Variants in AUTS2 observed in about 807,000 individuals in gnomAD.
AUTS2 encodes activator of transcription and developmental regulator AUTS2.
In AUTS2, 17 loss-of-function variants were observed where a neutral mutation model predicts 112.4. That is an observed-to-expected ratio of 0.15 (90% CI 0.10 to 0.23). AUTS2 has a LOEUF of 0.23. AUTS2 is among the 10% of genes least tolerant of loss of function. AUTS2 has a pLI of 1.00. For missense variants in AUTS2, 1,510 were observed against 1,701.6 expected (o/e 0.89, Z 1.98); for synonymous variants, 751 against 702.7 (o/e 1.07, Z -1.09).
intron 14 of AUTS2, among the ~76,000 whole-genome samples, chr7:70,780,994 A>C (rs899900496): frequency 6.6e-6 from 1 of 152,136 alleles, no homozygotes; most frequent in African/African-American, 2.4e-5. Context: ...ACAGCAAAAC[A>C]CTGAACTACT....
intron 5 of AUTS2, among the ~76,000 whole-genome samples, chr7:70,441,127 TAC>T (rs1435794777): frequency 6.6e-6 from 1 of 152,216 alleles, no homozygotes; most frequent in Non-Finnish European, 1.5e-5. Flanking sequence ...ATACATGCAG[TAC>T]ACACATACAC....
At chr7:69,814,541 C>T (rs901473461) in intron 1 of AUTS2, among the ~76,000 whole-genome samples, 2 of 152,222 alleles carry the variant, frequency 1.3e-5, no homozygotes, top group Non-Finnish European at 2.9e-5. Flanking sequence ...GCCACCCGGG[C>T]GAGGGCCTCT....
At chr7:69,691,548 C>T (rs930736635) in intron 1 of AUTS2, among the ~76,000 whole-genome samples, 2 of 152,098 alleles carry the variant, frequency 1.3e-5, no homozygotes, top group Non-Finnish European at 2.9e-5. Context: ...CGGCAGTGCC[C>T]AGTCTCAGCC....
chr7:70,345,314 G>A (rs1224265981), intron 4 of AUTS2, among the ~76,000 whole-genome samples: 1 of 152,146 alleles, frequency 6.6e-6, no homozygotes, highest in Middle Eastern at 3.2e-3. Flanking sequence ...CTATGACAGA[G>A]TGCTTACTGC....
intron 5 of AUTS2, among the ~76,000 whole-genome samples, chr7:70,650,992 C>G (rs929880279): frequency 6.6e-6 from 1 of 152,002 alleles, no homozygotes; most frequent in African/African-American, 2.4e-5. Context: ...GGAGGAAGTC[C>G]GAATGGGATG....
chr7:70,460,073 C>G (rs185718961), intron 5 of AUTS2, among the ~76,000 whole-genome samples: 1 of 152,154 alleles, frequency 6.6e-6, no homozygotes, highest in Non-Finnish European at 1.5e-5. Context: ...GCATCACTTT[C>G]CATACCGTAT....
chr7:69,816,984 A>C (rs1790790187), intron 1 of AUTS2, among the ~76,000 whole-genome samples: 1 of 152,174 alleles, frequency 6.6e-6, no homozygotes, highest in Non-Finnish European at 1.5e-5. Context: ...TTGGAACCTC[A>C]GTTCTTTCAT....
chr7:70,699,668 C>T (rs1396633593), intron 6 of AUTS2, among the ~76,000 whole-genome samples: 1 of 152,180 alleles, frequency 6.6e-6, no homozygotes, highest in Non-Finnish European at 1.5e-5. Flanking sequence ...GAATTACTGT[C>T]ATATTGAATT....
At chr7:70,309,102 G>A (rs943522434) in intron 4 of AUTS2, among the ~76,000 whole-genome samples, 6 of 152,206 alleles carry the variant, frequency 3.9e-5, no homozygotes, top group African/African-American at 1.4e-4. Context: ...AACCCCTTTT[G>A]TATTTCAAAT....
intron 5 of AUTS2, among the ~76,000 whole-genome samples, chr7:70,500,436 A>ATTTT: frequency 6.6e-6 from 1 of 152,166 alleles, no homozygotes; most frequent in Non-Finnish European, 1.5e-5. Context: ...CCACATGGAG[A>ATTTT]ATGTGGAAAG....
chr7:69,872,834 C>CTTTTTTTTTTTTTTTTTT lies in AUTS2; in HGVS notation c.310-26443_310-26426dup, dbSNP rs1164356683. ...GGTGGCACTTGATGTAGCCTATATT[C>CTTTTTTTTTTTTTTTTTT]TTTTTTTTTTTTTTTTTTTTTTTTT... On this transcript the variant is annotated intron_variant, in intron 1 of 18. Coordinates refer to ENST00000342771, the MANE Select transcript of AUTS2 (RefSeq NM_015570.4). Among the ~76,000 whole-genome samples the CTTTTTTTTTTTTTTTTTT allele has an allele frequency of 3.4e-4, 24 of 70,422 alleles. 1 individual carries two copies. The highest frequency in any genetic ancestry group is 6.2e-4 in the African/African-American group (10 of 16,056). 46.2% of individuals were successfully genotyped at this position (70,422 alleles called of 152,430 possible).
chr7:70,133,239 T>C (rs999830379), intron 3 of AUTS2, among the ~76,000 whole-genome samples: 4 of 152,186 alleles, frequency 2.6e-5, no homozygotes, highest in Non-Finnish European at 5.9e-5. Flanking sequence ...GATGTAGATA[T>C]AGTTACAGTA....
In AUTS2 at chr7:70,435,007, ACT is replaced by A. The variant is rs1795831254; in HGVS notation, c.661-740_661-739del. Among the ~76,000 whole-genome samples the A allele has an allele frequency of 2.6e-5, 4 of 151,966 alleles. No individual in the cohort carries two copies. The South Asian group carries it at 8.3e-4, about 32-fold the overall frequency. ...AGACTGGGGTTAATTATTAATTATC[ACT>A]CTCTGCTTATCCCAAACCAAACTCA... On this transcript the variant is annotated intron_variant, in intron 4 of 18. Transcript: ENST00000342771.
chr7:70,652,949 A>C (rs1189874697), intron 5 of AUTS2, among the ~76,000 whole-genome samples: 2 of 151,922 alleles, frequency 1.3e-5, no homozygotes, highest in Non-Finnish European at 2.9e-5. Context: ...CCCTTATTTA[A>C]ATAGAGGTTT....
chr7:70,533,084 A>G (rs1800162098), intron 5 of AUTS2, among the ~76,000 whole-genome samples: 1 of 152,174 alleles, frequency 6.6e-6, no homozygotes, highest in African/African-American at 2.4e-5. Context: ...TTCAAAGACA[A>G]CAGCCCAAGT....
At chr7:69,858,310 T>C (rs1792826076) in intron 1 of AUTS2, among the ~76,000 whole-genome samples, 1 of 152,200 alleles carries the variant, frequency 6.6e-6, no homozygotes, top group African/African-American at 2.4e-5. Flanking sequence ...TTATTAATAA[T>C]GGTAAAAAAC....
Position 69,896,886 on chromosome 7 carries a change from A to G in AUTS2, c.310-2400A>G, listed in dbSNP as rs565180928. 2.6e-5 allele frequency among the ~76,000 whole-genome samples: 4 copies of G among 152,270 alleles called. No homozygotes were observed. The Middle Eastern group carries it at 0.01, about 388-fold the overall frequency. ...TAGGTCAAATAGCAGTCATTTTCTCAGCTCTAACCCTCTCCTCTGGACTAT... is the reference window on the plus strand; with the variant it reads ...TAGGTCAAATAGCAGTCATTTTCTCGGCTCTAACCCTCTCCTCTGGACTAT... On this transcript the variant is annotated intron_variant, in intron 1 of 18. Transcript: ENST00000342771.
intron 4 of AUTS2, among the ~76,000 whole-genome samples, chr7:70,247,459 A>G (rs1812985759): frequency 6.6e-6 from 1 of 152,196 alleles, no homozygotes. Context: ...TAATTGAACA[A>G]TATTATGATA....
intron 1 of AUTS2, among the ~76,000 whole-genome samples, chr7:69,848,258 C>T (rs1792302140): frequency 6.6e-6 from 1 of 152,228 alleles, no homozygotes; most frequent in African/African-American, 2.4e-5. Context: ...TTGCCCCTAT[C>T]TGTAACCCCA....
Sources: allele counts gnomAD v4.1 joint callset (sites outside exome capture counted in the v4.1 genomes callset), GRCh38; gene constraint gnomAD v4.1.1; transcripts MANE v1.5; gene names NCBI Gene and HGNC (gene_info 2026-07-23, HGNC 2026-07-21).